The following DNAH7 variants were observed in gnomAD, a reference collection of about 807,000 sequenced individuals.
DNAH7 encodes the protein axonemal beta dynein heavy chain 7.
Under a neutral mutation model 444.6 loss-of-function variants are expected in DNAH7, and 397 were observed. The ratio of observed to expected loss-of-function variants is 0.89; its 90% confidence interval spans 0.82 to 0.97. DNAH7 has a LOEUF of 0.97. Ranked by LOEUF, DNAH7 falls within the 50% of genes least tolerant of loss-of-function variation. The probability of loss-of-function intolerance (pLI) is 0.00; values close to 1 mark genes in which losing one functional copy is unlikely to be tolerated. For missense variants in DNAH7, 4,902 were observed against 4,800.8 expected, an observed-to-expected ratio of 1.02 and a Z score of -0.62; for synonymous variants, 1,636 against 1,624.4, an observed-to-expected ratio of 1.01 and a Z score of -0.17.
chr2:195,838,568 G>C (rs1698506155), intron 47 of DNAH7, among the ~76,000 whole-genome samples: 1 of 151,892 alleles, frequency 6.6e-6, no homozygotes, highest in African/African-American at 2.4e-5. Flanking sequence ...TAGCAGAACA[G>C]AGATAACAGA....
rs1166045711 is a variant in DNAH7 at position 195,926,446 on chromosome 2, C to T, written c.3592G>A (p.Ala1198Thr). ...CTTACCTTTATCCCCATTGGAATAG[C>T]TGTTTGTACTTCTTTTGTCCAAAAG... ...QIFWTKEVQTAIPMGIKALEQ... is the reference protein window; with the variant it reads ...QIFWTKEVQTTIPMGIKALEQ... The change falls in exon 22 of 65, where the codon GCT becomes ACT. Residue 1198 changes from alanine (A) to threonine (T), a missense_variant. Ala to Thr is a moderately conservative substitution (Grantham distance 58). Coordinates refer to ENST00000312428, the MANE Select transcript of DNAH7 (RefSeq NM_018897.3). The T allele has an allele frequency of 6.3e-7, 1 of 1,593,636 alleles. No homozygotes were observed. Among genetic ancestry groups the T allele is most frequent in the Non-Finnish European group, 8.5e-7 (1 of 1,171,822 alleles).
At chr2:195,805,501 G>A (rs978286455) in intron 54 of DNAH7, among the ~76,000 whole-genome samples, 1 of 152,074 alleles carries the variant, frequency 6.6e-6, no homozygotes, top group Non-Finnish European at 1.5e-5. Context: ...GGGCTACCAA[G>A]GGGTAGGATG....
rs571472741 is a variant in DNAH7, at chr2:195,921,584, C to T, written c.3935+504G>A. ...CTAAGAATGGCACAATGGACTTTAG[C>T]GACTTGAGGAGAAGGGTGAGAGTGG... On this transcript the variant is annotated intron_variant, in intron 24 of 64. Coordinates refer to ENST00000312428, the MANE Select transcript of DNAH7 (RefSeq NM_018897.3). 1.6e-4 allele frequency among the ~76,000 whole-genome samples: 24 copies of T among 152,122 alleles called. No homozygotes were observed. In the South Asian group the frequency reaches 3.7e-3, roughly 24 times the overall value.
chr2:195,784,981 G>T (rs544264402), intron 58 of DNAH7, among the ~76,000 whole-genome samples: 1 of 149,800 alleles, frequency 6.7e-6, no homozygotes, highest in Non-Finnish European at 1.5e-5. Flanking sequence ...GCATGATCTC[G>T]GCTCACTGCA....
chr2:196,066,314 A>T (rs373022920), intron 1 of DNAH7, among the ~76,000 whole-genome samples: 14 of 152,344 alleles, frequency 9.2e-5, no homozygotes, highest in African/African-American at 2.6e-4. Context: ...TAAAGTTATC[A>T]CCATGCTGTT....
intron 21 of DNAH7, among the ~76,000 whole-genome samples, chr2:195,928,733 C>A (rs1012087774): frequency 3.1e-5 from 1 of 32,570 alleles, no homozygotes; most frequent in Non-Finnish European, 7.6e-5. Flanking sequence ...AGCATTAAAG[C>A]CATATTTAAC....
chr2:195,824,446 C>A lies in DNAH7; in HGVS notation c.9101-1G>T. 6.3e-7 allele frequency: 1 copy of A among 1,595,964 alleles called. No homozygotes were observed. The highest frequency in any genetic ancestry group is 8.5e-7 in the Non-Finnish European group (1 of 1,172,842). ...TCTTCGCCAACATTTTCTAGCAACA[C>A]TGGAGTAAAATCAGAAAAGATTTCA... On this transcript the variant is annotated splice_acceptor_variant, in intron 48 of 64. Coordinates refer to ENST00000312428, the MANE Select transcript of DNAH7 (RefSeq NM_018897.3). LOFTEE classifies it high-confidence loss of function.
chr2:195,763,212 G>A (rs562633167), intron 61 of DNAH7, among the ~76,000 whole-genome samples: 4 of 152,278 alleles, frequency 2.6e-5, no homozygotes, highest in African/African-American at 9.6e-5. Flanking sequence ...AGTGAAAACA[G>A]TAGTAAGGTG....
At chr2:196,007,095 T>TA (rs1203310644) in intron 10 of DNAH7, among the ~76,000 whole-genome samples, 1 of 152,132 alleles carries the variant, frequency 6.6e-6, no homozygotes, top group Non-Finnish European at 1.5e-5. Flanking sequence ...AAGTTGCTAC[T>TA]AAAATGCATA....
intron 57 of DNAH7, among the ~76,000 whole-genome samples, chr2:195,789,488 T>C (rs1254884569): frequency 6.6e-6 from 1 of 152,168 alleles, no homozygotes; most frequent in African/African-American, 2.4e-5. Flanking sequence ...TCATCAATGA[T>C]TACTAATTCT....
intron 12 of DNAH7, chr2:195,994,483 C>T: frequency 2.0e-6 from 1 of 508,772 alleles, no homozygotes; most frequent in Admixed American, 2.4e-5. Context: ...GACCAATCGC[C>T]ATGTCCTGTG....
At chr2:195,957,567 ATTATATACAATCT>A (rs1690763450) in intron 18 of DNAH7, 120 bp from the exon 19 acceptor site, 3 of 465,412 alleles carry the variant, frequency 6.4e-6, no homozygotes, top group African/African-American at 5.7e-5. Flanking sequence ...ATTGTTATAC[ATTATATACAATCT>A]TGTATATAAT....
intron 52 of DNAH7, 113 bp from the exon 53 acceptor site, chr2:195,808,989 C>T (rs1286710275): frequency 6.2e-6 from 5 of 811,064 alleles, no homozygotes; most frequent in Non-Finnish European, 9.4e-6. Flanking sequence ...GATGTGGTCT[C>T]TATGAAATTC....
intron 60 of DNAH7, among the ~76,000 whole-genome samples, chr2:195,775,063 G>C (rs951276731): frequency 3.9e-5 from 6 of 152,092 alleles, no homozygotes; most frequent in Non-Finnish European, 5.9e-5. Flanking sequence ...ACAAAGTCTT[G>C]TCATCATTAA....
chr2:195,818,990 C>T (rs1697346659), intron 49 of DNAH7, among the ~76,000 whole-genome samples: 1 of 151,934 alleles, frequency 6.6e-6, no homozygotes, highest in African/African-American at 2.4e-5. Context: ...TTAAGCATCA[C>T]CTCCCACTAC....
At chr2:195,805,045 G>A (rs1696644740) in intron 54 of DNAH7, among the ~76,000 whole-genome samples, 2 of 152,050 alleles carry the variant, frequency 1.3e-5, no homozygotes, top group Non-Finnish European at 1.5e-5. Context: ...GCTTGACTAT[G>A]TAACTTCCCA....
At chr2:195,845,487 C>T (rs1453367543) in intron 46 of DNAH7, among the ~76,000 whole-genome samples, 1 of 152,134 alleles carries the variant, frequency 6.6e-6, no homozygotes, top group Admixed American at 6.5e-5. Flanking sequence ...CTACCAATGA[C>T]ATTTTTCACA....
Position 196,058,017 on chromosome 2 carries a change from T to C in DNAH7, c.78+37A>G, listed in dbSNP as rs557394209. 6 of 1,385,690 alleles carry C rather than the reference T, an allele frequency of 4.3e-6. No individual in the cohort carries two copies. The South Asian group carries it at 7.0e-5, about 16-fold the overall frequency. 85.8% of individuals were successfully genotyped at this position (1,385,690 alleles called of 1,614,324 possible). On this transcript the variant is annotated intron_variant, in intron 2 of 64. Transcript: ENST00000312428. ...GAAAAGTAGTAAACAAACATTATCA[T>C]AAAGGAATGAAGTATGATGGTATAT...
intron 46 of DNAH7, 32 bp from the exon 47 acceptor site, chr2:195,845,197 G>GAGAC: frequency 6.4e-7 from 1 of 1,552,784 alleles, no homozygotes; most frequent in Non-Finnish European, 8.7e-7. Flanking sequence ...ATAAAGAAAT[G>GAGAC]AGACTGGAGG....
Sources: allele counts gnomAD v4.1 joint callset (sites outside exome capture counted in the v4.1 genomes callset), GRCh38; gene constraint gnomAD v4.1.1; transcripts MANE v1.5; gene names NCBI Gene and HGNC (gene_info 2026-07-23, HGNC 2026-07-21).